Variants in PTPN12 observed in about 807,000 individuals in gnomAD.
PTPN12 encodes tyrosine-protein phosphatase non-receptor type 12.
In PTPN12, 29 loss-of-function variants were observed where a neutral mutation model predicts 97.6. The ratio of observed to expected loss-of-function variants is 0.30; its 90% CI spans 0.22 to 0.41. PTPN12 has a LOEUF of 0.41. PTPN12 is among the 10% of genes least tolerant of loss of function. The pLI is 1.00. For synonymous variants in PTPN12, 327 were observed against 300.4 expected, an observed-to-expected ratio of 1.09 and a Z score of -0.91; for missense variants, 819 against 926.0, an observed-to-expected ratio of 0.88 and a Z score of 1.50.
intron 1 of PTPN12, among the ~76,000 whole-genome samples, chr7:77,563,076 T>G (rs1312491642): frequency 6.6e-6 from 1 of 152,094 alleles, no homozygotes; most frequent in Non-Finnish European, 1.5e-5. Flanking sequence ...TTTAAAAACA[T>G]TCTCAAAATC....
chr7:77,632,205 T>C, intron 13 of PTPN12, 143 bp from the exon 14 acceptor site: 1 of 644,568 alleles, frequency 1.6e-6, no homozygotes, highest in South Asian at 1.9e-5. Flanking sequence ...TGATAATGAG[T>C]GGAAAAGGTT....
Position 77,639,496 on chromosome 7 carries a change from TGTCTC to T in PTPN12, c.*217_*221del. 1.9e-6 allele frequency: 1 copy of T among 527,206 alleles called. No homozygotes were observed. Among genetic ancestry groups the T allele is most frequent in the South Asian group, 2.9e-5 (1 of 34,854 alleles). The allele number at this position is 527,206 out of a possible 1,614,324, so 32.7% of individuals were successfully genotyped here. On this transcript the variant is annotated 3_prime_UTR_variant, in exon 18 of 18. Coordinates refer to ENST00000248594, the MANE Select transcript of PTPN12 (RefSeq NM_002835.4). ...GAAACTTCAAGTATTATTGCCTTAA[TGTCTC>T]TTAACCCTGTTACACGCTGCTTGTA... is the stretch of plus-strand genomic sequence containing the variant.
chr7:77,627,710 C>G (rs1387741264), intron 13 of PTPN12, 35 bp downstream of exon 13: 1 of 1,497,526 alleles, frequency 6.7e-7, no homozygotes, highest in Non-Finnish European at 8.9e-7. Context: ...AAATGTCTTT[C>G]CTATGTGCTA....
At chr7:77,561,143 ACTC>A (rs1807978596) in intron 1 of PTPN12, among the ~76,000 whole-genome samples, 1 of 150,998 alleles carries the variant, frequency 6.6e-6, no homozygotes, top group African/African-American at 2.4e-5. Context: ...CTGGTCTTGA[ACTC>A]CTCAAGTGGC....
chr7:77,613,255 A>G (rs1418018566), intron 11 of PTPN12, among the ~76,000 whole-genome samples: 1 of 132,744 alleles, frequency 7.5e-6, no homozygotes, highest in Admixed American at 8.7e-5. Flanking sequence ...GCTCACTGCA[A>G]CCTCTGCCTC....
At chr7:77,549,710 C>A (rs534461559) in intron 1 of PTPN12, among the ~76,000 whole-genome samples, 1 of 151,916 alleles carries the variant, frequency 6.6e-6, no homozygotes, top group South Asian at 2.1e-4. Context: ...TCCTGAGTAG[C>A]TAGGACTACA....
intron 5 of PTPN12, among the ~76,000 whole-genome samples, chr7:77,587,788 G>T (rs955175398): frequency 2.0e-5 from 3 of 152,186 alleles, no homozygotes; most frequent in African/African-American, 4.8e-5. Flanking sequence ...TTTCATCAGT[G>T]CTCTTAGCTT....
At chr7:77,567,756 GAAAT>G (rs1562717317) in intron 1 of PTPN12, among the ~76,000 whole-genome samples, 1 of 152,108 alleles carries the variant, frequency 6.6e-6, no homozygotes. Context: ...AGGTTTTAAA[GAAAT>G]AAATCTGAAG....
At chr7:77,543,278 A>G (rs1259582475) in intron 1 of PTPN12, among the ~76,000 whole-genome samples, 1 of 150,932 alleles carries the variant, frequency 6.6e-6, no homozygotes, top group East Asian at 1.9e-4. Context: ...TTTTTTTAAC[A>G]TTTTGAAAGT....
At position 77,604,209 on chromosome 7, in the gene PTPN12, C is replaced by CTTTTTTTTTTTTTTTTTTTTTTTTTTT. The variant is rs71082768; in HGVS notation, c.696-3002_696-3001insTTTTTTTTTTTTTTTTTTTTTTTTTTT. 1.1e-4 allele frequency among the ~76,000 whole-genome samples: 6 copies of CTTTTTTTTTTTTTTTTTTTTTTTTTTT among 52,790 alleles called. 1 individual carries two copies. The highest frequency in any genetic ancestry group is 6.8e-4 in the Admixed American group (2 of 2,928). The allele number at this position is 52,790 out of a possible 152,430, so 34.6% of individuals were successfully genotyped here. A position where few individuals can be genotyped will look rare whatever the true frequency, so the allele number is the denominator to read the frequency against. ...AGCCTTTGTTTGCATTTTTTTCTTC[C>CTTTTTTTTTTTTTTTTTTTTTTTTTTT]TTTTTTTTTTTTTTTTTTTTTTTTG... On this transcript the variant is annotated intron_variant, in intron 8 of 17. Transcript: ENST00000248594.
chr7:77,585,678 ACTT>A (rs1182985430), intron 5 of PTPN12, 97 bp downstream of exon 5: 1 of 1,077,012 alleles, frequency 9.3e-7, no homozygotes, highest in African/African-American at 1.6e-5. Flanking sequence ...TAATGTAGAT[ACTT>A]CTTTTATTTT....
chr7:77,624,061 G>T (rs1789043539), intron 12 of PTPN12, among the ~76,000 whole-genome samples: 1 of 152,054 alleles, frequency 6.6e-6, no homozygotes, highest in African/African-American at 2.4e-5. Context: ...AGGAGTTTGA[G>T]ATCAGTCTGG....
At chr7:77,568,239 G>A (rs1584120439) in intron 1 of PTPN12, among the ~76,000 whole-genome samples, 1 of 152,114 alleles carries the variant, frequency 6.6e-6, no homozygotes, top group African/African-American at 2.4e-5. Flanking sequence ...ATATTTGGAC[G>A]CAAAAGTTCT....
chr7:77,573,370 C>G (rs1479288910), intron 2 of PTPN12, among the ~76,000 whole-genome samples: 1 of 152,174 alleles, frequency 6.6e-6, no homozygotes, highest in Non-Finnish European at 1.5e-5. Flanking sequence ...AGTGAAGGGT[C>G]ACTCTGGCTC....
rs1002310809 is a variant in PTPN12, at chr7:77,574,805, T to G, written c.208+3619T>G. On this transcript the variant is annotated intron_variant, in intron 2 of 17. Coordinates refer to ENST00000248594, the MANE Select transcript of PTPN12 (RefSeq NM_002835.4). ...TAAAGTTTGATAAGTAGGTCTCCAGTAAATTTCTAGTTATTTTGACTTGGG... is the reference window on the plus strand; with the variant it reads ...TAAAGTTTGATAAGTAGGTCTCCAGGAAATTTCTAGTTATTTTGACTTGGG... 5.9e-5 allele frequency among the ~76,000 whole-genome samples: 9 copies of G among 152,166 alleles called. 1 individual carries two copies. The highest frequency in any genetic ancestry group is 2.2e-4 in the African/African-American group (9 of 41,442).
intron 3 of PTPN12, among the ~76,000 whole-genome samples, chr7:77,582,556 G>A (rs1364086845): frequency 2.6e-5 from 4 of 151,970 alleles, no homozygotes; most frequent in African/African-American, 4.8e-5. Flanking sequence ...GACCTAGGCG[G>A]GTGGATCACC....
intron 1 of PTPN12, among the ~76,000 whole-genome samples, chr7:77,549,763 G>A (rs1027036104): frequency 2.0e-5 from 3 of 151,598 alleles, no homozygotes; most frequent in Non-Finnish European, 2.9e-5. Context: ...TACCTTTTTT[G>A]TAGAGACGAG....
At chr7:77,581,710 T>C (rs1203997956) in intron 3 of PTPN12, among the ~76,000 whole-genome samples, 1 of 152,248 alleles carries the variant, frequency 6.6e-6, no homozygotes, top group Non-Finnish European at 1.5e-5. Context: ...AGTTTTGTGA[T>C]AGCAGAGATA....
intron 3 of PTPN12, among the ~76,000 whole-genome samples, chr7:77,582,657 G>A (rs1167119420): frequency 1.3e-5 from 2 of 151,794 alleles, no homozygotes; most frequent in African/African-American, 2.4e-5. Context: ...GGTGGTGCAT[G>A]CCTGTAATAC....
Sources: allele counts gnomAD v4.1 joint callset (sites outside exome capture counted in the v4.1 genomes callset), GRCh38; gene constraint gnomAD v4.1.1; transcripts MANE v1.5; gene names NCBI Gene and HGNC (gene_info 2026-07-23, HGNC 2026-07-21).